Variants in OPA1 observed in about 807,000 individuals in gnomAD.
OPA1 encodes dynamin-like GTPase OPA1, mitochondrial.
A neutral mutation model predicts 152.9 loss-of-function variants in OPA1; 59 were observed. That is an observed-to-expected ratio of 0.39 (90% CI 0.31 to 0.48). OPA1 has a LOEUF of 0.48. Ranked by LOEUF, OPA1 falls within the 20% of genes least tolerant of loss-of-function variation. The pLI is 0.96. For missense variants in OPA1, 1,008 were observed against 1,216.8 expected, an observed-to-expected ratio of 0.83 and a Z score of 2.55; for synonymous variants, 400 against 389.9, an observed-to-expected ratio of 1.03 and a Z score of -0.31.
At chr3:193,658,831 T>G in intron 23 of OPA1, 56 bp from the exon 24 acceptor site, 1 of 1,181,418 alleles carries the variant, frequency 8.5e-7, no homozygotes, top group Non-Finnish European at 1.3e-6. Context: ...TGAATAAAAC[T>G]ACTAAAATGA....
chr3:193,654,034 G>T (rs983331149), intron 21 of OPA1, among the ~76,000 whole-genome samples: 1 of 151,976 alleles, frequency 6.6e-6, no homozygotes, highest in East Asian at 1.9e-4. Flanking sequence ...CCACTCTTAG[G>T]TATTTACCTA....
intron 29 of OPA1, among the ~76,000 whole-genome samples, chr3:193,679,568 G>T (rs1172105742): frequency 1.3e-5 from 2 of 152,014 alleles, no homozygotes; most frequent in Admixed American, 6.6e-5. Flanking sequence ...GGCAAAGCTG[G>T]GGCTAATCAT....
At chr3:193,603,520 C>G (rs1312007678) in intron 1 of OPA1, 3 of 152,358 alleles carry the variant, frequency 2.0e-5, no homozygotes, top group South Asian at 4.1e-4. Flanking sequence ...AGGAGCTCAT[C>G]TGTTTGGAGT....
chr3:193,609,855 C>T (rs1727916268), intron 1 of OPA1, among the ~76,000 whole-genome samples: 1 of 152,222 alleles, frequency 6.6e-6, no homozygotes, highest in Non-Finnish European at 1.5e-5. Context: ...GTGCATCCGT[C>T]ACGTAGTTCT....
intron 1 of OPA1, among the ~76,000 whole-genome samples, chr3:193,596,421 T>TTTTCTTTTCTTCTTTTC: frequency 1.3e-5 from 2 of 149,838 alleles, no homozygotes; most frequent in Non-Finnish European, 3.0e-5. Flanking sequence ...TTTTCTTTTC[T>TTTTCTTTTCTTCTTTTC]TTCACACAGG....
intron 21 of OPA1, among the ~76,000 whole-genome samples, chr3:193,653,127 C>A (rs1211228040): frequency 6.6e-6 from 1 of 152,156 alleles, no homozygotes; most frequent in Non-Finnish European, 1.5e-5. Context: ...CTTCATCTTG[C>A]TCCTTAAATT....
rs73067672 is a variant in OPA1 at position 193,627,635 on chromosome 3, C to T, written c.789+1433C>T. Among the ~76,000 whole-genome samples, 1,106 of 152,134 alleles carry T rather than the reference C, an allele frequency of 7.3e-3. 9 individuals are homozygous for T. The highest frequency in any genetic ancestry group is 0.022 in the African/African-American group (893 of 41,504). On this transcript the variant is annotated intron_variant, in intron 7 of 30. Coordinates refer to ENST00000361510, the MANE Select transcript of OPA1 (RefSeq NM_130837.3). ...ACAACTTGAAATGAGTCCCATAGGC[C>T]TGCTATTTAACATTCTAAGATATGA...
intron 1 of OPA1, among the ~76,000 whole-genome samples, chr3:193,600,683 T>A (rs1726326074): frequency 6.6e-6 from 1 of 152,194 alleles, no homozygotes; most frequent in Non-Finnish European, 1.5e-5. Flanking sequence ...TAGCTTGACT[T>A]AAAGAGGTGC....
chr3:193,619,088 A>G, intron 6 of OPA1, 152 bp downstream of exon 6: 2 of 680,128 alleles, frequency 2.9e-6, no homozygotes, highest in Non-Finnish European at 5.2e-6. Flanking sequence ...TGCAAAGTAC[A>G]AGGTATTACG....
chr3:193,658,130 A>T (rs1714316248), intron 23 of OPA1, among the ~76,000 whole-genome samples: 1 of 151,816 alleles, frequency 6.6e-6, no homozygotes, highest in Admixed American at 6.6e-5. Context: ...CTGTAATCCC[A>T]GCTACTCGGG....
At chr3:193,650,985 T>G (rs766557539) in intron 21 of OPA1, among the ~76,000 whole-genome samples, 2 of 152,002 alleles carry the variant, frequency 1.3e-5, no homozygotes, top group Non-Finnish European at 2.9e-5. Flanking sequence ...AAAACATGAA[T>G]AAGTGTTAAG....
At chr3:193,619,843 T>TTTCTTTCCTTGTTCTTCAACTTTG (rs1442659445) in intron 6 of OPA1, among the ~76,000 whole-genome samples, 1 of 152,200 alleles carries the variant, frequency 6.6e-6, no homozygotes, top group Admixed American at 6.5e-5. Flanking sequence ...TTTCTATGAA[T>TTTCTTTCCTTGTTCTTCAACTTTG]AGGTTTTCAT....
chr3:193,629,858 T>C (rs769096826), intron 7 of OPA1, among the ~76,000 whole-genome samples: 37 of 152,218 alleles, frequency 2.4e-4, no homozygotes, highest in Non-Finnish European at 4.3e-4. Flanking sequence ...TGTTGGATTT[T>C]CTATAATAAT....
intron 29 of OPA1, among the ~76,000 whole-genome samples, chr3:193,671,188 A>G (rs927587154): frequency 1.3e-5 from 2 of 152,252 alleles, no homozygotes; most frequent in African/African-American, 2.4e-5. Context: ...TTTACAGTGG[A>G]TGAAGCCTGG....
intron 11 of OPA1, among the ~76,000 whole-genome samples, chr3:193,638,979 A>G (rs547219174): frequency 5.3e-5 from 8 of 152,328 alleles, no homozygotes; most frequent in African/African-American, 1.9e-4. Flanking sequence ...AAAGATGTTT[A>G]TATGCTGATT....
At chr3:193,649,932 T>A (rs566281157) in intron 21 of OPA1, among the ~76,000 whole-genome samples, 2 of 152,338 alleles carry the variant, frequency 1.3e-5, no homozygotes, top group South Asian at 4.1e-4. Flanking sequence ...CAAAGAGATA[T>A]ATAGGTTTAC....
intron 7 of OPA1, among the ~76,000 whole-genome samples, chr3:193,626,678 T>C (rs1015847541): frequency 3.3e-5 from 5 of 152,232 alleles, no homozygotes; most frequent in East Asian, 1.9e-4. Context: ...AAGAAAATTA[T>C]TTTGACTTTT....
chr3:193,647,513 C>T (rs540499478), intron 19 of OPA1, among the ~76,000 whole-genome samples: 1 of 152,302 alleles, frequency 6.6e-6, no homozygotes, highest in East Asian at 1.9e-4. Flanking sequence ...GAAGCAGAGC[C>T]CTCTGAACTT....
At chr3:193,668,382 C>T (rs1043704098) in intron 29 of OPA1, 1 of 1,551,342 alleles carries the variant, frequency 6.4e-7, no homozygotes, top group African/African-American at 1.4e-5. Flanking sequence ...CCGCACCCAG[C>T]ATTGACACTT....
Sources: gnomAD v4.1 joint callset for allele counts (sites outside exome capture counted in the v4.1 genomes callset) on GRCh38, gnomAD v4.1.1 for gene constraint, MANE v1.5 for transcripts, NCBI Gene and HGNC (gene_info 2026-07-23, HGNC 2026-07-21) for gene names.